The following TBCK variants were observed in gnomAD, a reference collection of about 807,000 sequenced individuals.
The protein encoded by TBCK is TBC domain-containing protein kinase-like protein.
A neutral mutation model predicts 113.4 loss-of-function variants in TBCK; 99 were observed. That is an observed-to-expected ratio of 0.87 (90% CI 0.74 to 1.03). The LOEUF (loss-of-function observed/expected upper bound fraction) is 1.03, where lower values mean the gene tolerates loss of function less well. TBCK is among the 50% of genes least tolerant of loss of function. The probability of loss-of-function intolerance (pLI) is 0.00; values close to 1 mark genes in which losing one functional copy is unlikely to be tolerated. For synonymous variants in TBCK, 369 were observed against 370.8 expected (o/e 1.00, Z 0.05); for missense variants, 1,045 against 1,061.3 (o/e 0.98, Z 0.21).
At chr4:106,281,026 T>G (rs1410256021) in intron 3 of TBCK, among the ~76,000 whole-genome samples, 4 of 152,130 alleles carry the variant, frequency 2.6e-5, no homozygotes, top group Non-Finnish European at 5.9e-5. Flanking sequence ...GTATGAACAT[T>G]TTAACAATAT....
chr4:106,271,751 CA>C (rs749925685), intron 3 of TBCK, among the ~76,000 whole-genome samples: 2,650 of 77,882 alleles, frequency 0.034, 28 homozygotes, highest in Non-Finnish European at 0.05. Flanking sequence ...GACTTTGTCC[CA>C]AAAAAAAAAA....
At chr4:106,175,939 G>GAGCC (rs1751612726) in intron 22 of TBCK, among the ~76,000 whole-genome samples, 1 of 152,072 alleles carries the variant, frequency 6.6e-6, no homozygotes, top group Non-Finnish European at 1.5e-5. Flanking sequence ...AGGCTCCTTA[G>GAGCC]AGCCCTTTTT....
At chr4:106,055,487 T>C (rs1578761827) in intron 25 of TBCK, among the ~76,000 whole-genome samples, 2 of 151,572 alleles carry the variant, frequency 1.3e-5, no homozygotes, top group Admixed American at 1.3e-4. Flanking sequence ...CTATGGTGCA[T>C]AACATCTTAG....
intron 2 of TBCK, among the ~76,000 whole-genome samples, chr4:106,300,195 G>A (rs1579564050): frequency 6.6e-6 from 1 of 152,168 alleles, no homozygotes; most frequent in South Asian, 2.1e-4. Context: ...TGAATGTGAG[G>A]CCCCACCAGC....
chr4:106,205,783 A>C (rs1416091860), intron 20 of TBCK, among the ~76,000 whole-genome samples: 1 of 150,960 alleles, frequency 6.6e-6, no homozygotes, highest in Non-Finnish European at 1.5e-5. Flanking sequence ...AACAAAAAAA[A>C]CAAAAAAAAC....
At chr4:106,271,751 CAA>C (rs749925685) in intron 3 of TBCK, among the ~76,000 whole-genome samples, 13 of 77,926 alleles carry the variant, frequency 1.7e-4, no homozygotes, top group Admixed American at 1.4e-4. Flanking sequence ...GACTTTGTCC[CAA>C]AAAAAAAAAA....
At chr4:106,270,898 G>C (rs1763410070) in intron 3 of TBCK, among the ~76,000 whole-genome samples, 1 of 152,160 alleles carries the variant, frequency 6.6e-6, no homozygotes, top group South Asian at 2.1e-4. Context: ...GTATTTGTCA[G>C]CAGTTGGGGT....
intron 17 of TBCK, among the ~76,000 whole-genome samples, chr4:106,232,150 C>A (rs1758928117): frequency 6.6e-6 from 1 of 151,464 alleles, no homozygotes; most frequent in Non-Finnish European, 1.5e-5. Context: ...TGGAGTTTTG[C>A]CTATGTTGTT....
chr4:106,205,081 T>A (rs1052401233), intron 20 of TBCK, among the ~76,000 whole-genome samples: 1 of 152,182 alleles, frequency 6.6e-6, no homozygotes, highest in Admixed American at 6.5e-5. Flanking sequence ...ATGATTTTTT[T>A]AAATGTACAA....
In TBCK at chr4:106,308,972, T is replaced by C. The variant is rs758347499; in HGVS notation, c.-12A>G. ...TTCAGGGGAAACATTTTTGGAGTCCTAGGTCTTCTAAGATAATCTGGAAAA... is the reference window on the plus strand; with the variant it reads ...TTCAGGGGAAACATTTTTGGAGTCCCAGGTCTTCTAAGATAATCTGGAAAA... On this transcript the variant is annotated 5_prime_UTR_variant, in exon 2 of 26. Transcript: ENST00000394708. 2.5e-6 allele frequency: 4 copies of C among 1,607,654 alleles called. No individual in the cohort carries two copies. The African/African-American group carries it at 4.0e-5, about 16-fold the overall frequency.
At chr4:106,243,999 T>C (rs1273674519) in intron 11 of TBCK, among the ~76,000 whole-genome samples, 1 of 152,150 alleles carries the variant, frequency 6.6e-6, no homozygotes, top group Non-Finnish European at 1.5e-5. Flanking sequence ...AATTAAAAAT[T>C]TAAAGTATTA....
intron 24 of TBCK, among the ~76,000 whole-genome samples, chr4:106,102,338 A>C (rs570244747): frequency 3.3e-5 from 5 of 152,186 alleles, no homozygotes; most frequent in Admixed American, 1.3e-4. Flanking sequence ...CAATCACAAA[A>C]ACTGAACATA....
Position 106,142,146 on chromosome 4 carries a change from CAGGACTATTT to C in TBCK, c.2236-25778_2236-25769del, listed in dbSNP as rs1278009910. ...AATTTGTTAATTAAGTCAAATCTGTCAGGACTATTTAGCTTCGCTTTGCTAAGTGTTCTAG... is the reference window on the plus strand; with the variant it reads ...AATTTGTTAATTAAGTCAAATCTGTCAGCTTCGCTTTGCTAAGTGTTCTAG... On this transcript the variant is annotated intron_variant, in intron 23 of 25. Transcript: ENST00000394708. Among the ~76,000 whole-genome samples the C allele has an allele frequency of 3.1e-5, 3 of 97,364 alleles. 1 individual carries two copies. The highest frequency in any genetic ancestry group is 7.9e-5 in the Non-Finnish European group (3 of 37,942). 63.9% of individuals were successfully genotyped at this position (97,364 alleles called of 152,430 possible). A position where few individuals can be genotyped will look rare whatever the true frequency, so the allele number is the denominator to read the frequency against.
chr4:106,314,013 CAT>C (rs1361128604), intron 1 of TBCK, among the ~76,000 whole-genome samples: 2 of 152,152 alleles, frequency 1.3e-5, no homozygotes, highest in East Asian at 1.9e-4. Context: ...GGGAAAAAAA[CAT>C]ATCAGAGCAT....
chr4:106,237,439 T>C, intron 12 of TBCK: 1 of 453,266 alleles, frequency 2.2e-6, no homozygotes, highest in South Asian at 1.6e-5. Flanking sequence ...AGTAGTAAAG[T>C]AAAATGTTAA....
At chr4:106,246,013 A>C (rs1760767861) in intron 10 of TBCK, among the ~76,000 whole-genome samples, 1 of 152,140 alleles carries the variant, frequency 6.6e-6, no homozygotes, top group South Asian at 2.1e-4. Flanking sequence ...TCTATATTGG[A>C]AAAGGAATAA....
chr4:106,086,572 A>C (rs540024245), intron 25 of TBCK, among the ~76,000 whole-genome samples: 1 of 152,378 alleles, frequency 6.6e-6, no homozygotes, highest in Admixed American at 6.5e-5. Context: ...CTCCTCCCTA[A>C]CTAATTTTAT....
chr4:106,080,446 T>C (rs13138818), intron 25 of TBCK, among the ~76,000 whole-genome samples: 31,520 of 152,110 alleles, frequency 0.21, 4,039 homozygotes, highest in Non-Finnish European at 0.29. Flanking sequence ...ATTCAATAAA[T>C]AGTGCTGGGA....
chr4:106,121,286 C>T (rs1294161619), intron 23 of TBCK, among the ~76,000 whole-genome samples: 1 of 150,962 alleles, frequency 6.6e-6, no homozygotes, highest in Admixed American at 6.6e-5. Context: ...AAGGCCATTA[C>T]ATAATGGTAA....
Sources: allele counts gnomAD v4.1 joint callset (sites outside exome capture counted in the v4.1 genomes callset), GRCh38; gene constraint gnomAD v4.1.1; transcripts MANE v1.5; gene names NCBI Gene and HGNC (gene_info 2026-07-23, HGNC 2026-07-21).